The following RSPH10B2 variants were observed in gnomAD, a reference collection of about 807,000 sequenced individuals.
RSPH10B2 encodes radial spoke head 10 homolog B2, also known as radial spoke head 10 homolog B2 (Chlamydomonas).
A neutral mutation model predicts 49.0 loss-of-function variants in RSPH10B2; 9 were observed. The ratio of observed to expected loss-of-function variants is 0.18; its 90% confidence interval spans 0.11 to 0.32. RSPH10B2 has a LOEUF of 0.32. RSPH10B2 is among the 10% of genes least tolerant of loss of function. The pLI is 1.00. For missense variants in RSPH10B2, 95 were observed against 589.9 expected (o/e 0.16, Z 8.69); for synonymous variants, 35 against 210.2 (o/e 0.17, Z 7.21).
intron 4 of RSPH10B2, among the ~76,000 whole-genome samples, chr7:6,764,708 TTGTGTGTGTGTGTGTGTG>T (rs372144067): frequency 5.8e-4 from 86 of 147,604 alleles, no homozygotes; most frequent in African/African-American, 1.5e-3. Context: ...GTTGTTGTTG[TTGTGTGTGTGTGTGTGTG>T]TGTGTGTGTG....
chr7:6,793,087 T>A lies in RSPH10B2; in HGVS notation c.2233+1090T>A, dbSNP rs1325412542. Among the ~76,000 whole-genome samples, 15 of 102,946 alleles carry A rather than the reference T, an allele frequency of 1.5e-4. 2 individuals carry two copies. The East Asian group carries it at 5.7e-3, about 39-fold the overall frequency. The allele number at this position is 102,946 out of a possible 152,430, so 67.5% of individuals were successfully genotyped here. A position where few individuals can be genotyped will look rare whatever the true frequency, so the allele number is the denominator to read the frequency against. On this transcript the variant is annotated intron_variant, in intron 17 of 18. Coordinates refer to ENST00000297186, the Ensembl canonical transcript of RSPH10B2. ...CATTTTTTTTTTTTTTTTTTTTTTT[T>A]AAAGAGGTGGGTTCTTGCTCTGTTG...
In RSPH10B2 at chr7:6,769,655, C is replaced by A. The variant is rs551638658; in HGVS notation, c.957+889C>A. 5.2e-5 allele frequency among the ~76,000 whole-genome samples: 6 copies of A among 116,416 alleles called. 1 individual carries two copies. The South Asian group carries it at 1.4e-3, about 28-fold the overall frequency. 76.4% of individuals were successfully genotyped at this position (116,416 alleles called of 152,430 possible). A position where few individuals can be genotyped will look rare whatever the true frequency, so the allele number is the denominator to read the frequency against. ...CCAGGCTGGAGTGCAGTGGCATGATCTCAGCTCGCTGCAACCTCTGCCTCC... is the reference window on the plus strand; with the variant it reads ...CCAGGCTGGAGTGCAGTGGCATGATATCAGCTCGCTGCAACCTCTGCCTCC... On this transcript the variant is annotated intron_variant, in intron 7 of 18. Transcript: ENST00000297186.
chr7:6,785,182 TGTGTGTGTG>T (rs1782101936), intron 13 of RSPH10B2, among the ~76,000 whole-genome samples: 1 of 110,164 alleles, frequency 9.1e-6, no homozygotes, highest in Admixed American at 1.0e-4. Flanking sequence ...TGTGTGTGTG[TGTGTGTGTG>T]TTTGAGACAG....
intron 7 of RSPH10B2, among the ~76,000 whole-genome samples, chr7:6,769,512 G>T (rs1216679892): frequency 3.4e-5 from 2 of 58,522 alleles, no homozygotes; most frequent in Non-Finnish European, 6.7e-5. Context: ...TTGACAAAAG[G>T]CATGTCATTC....
chr7:6,758,411 C>T (rs1162375650), intron 1 of RSPH10B2, among the ~76,000 whole-genome samples: 4 of 147,666 alleles, frequency 2.7e-5, no homozygotes, highest in African/African-American at 1.0e-4. Flanking sequence ...ACCCAAATAG[C>T]AAACATACAG....
At chr7:6,756,202 G>A (rs1781080013), upstream of RSPH10B2, among the ~76,000 whole-genome samples, 2 of 141,196 alleles carry the variant, frequency 1.4e-5, no homozygotes, top group African/African-American at 2.8e-5. Flanking sequence ...CCCGGGAGGT[G>A]GAGCTTGCAG....
chr7:6,764,470 C>T (rs1489023207), intron 4 of RSPH10B2, among the ~76,000 whole-genome samples: 1 of 151,078 alleles, frequency 6.6e-6, no homozygotes, highest in Non-Finnish European at 1.5e-5. Context: ...AAGCAAATCT[C>T]CTGCCTCAGC....
intron 17 of RSPH10B2, chr7:6,793,991 T>C (rs1283441826): frequency 1.9e-5 from 3 of 153,870 alleles, no homozygotes; most frequent in African/African-American, 4.8e-5. Context: ...GCTGTGTACA[T>C]GCTCACCTTT....
rs1384157734 is a variant in RSPH10B2 at position 6,791,094 on chromosome 7, C to T, written c.2140-810C>T. ...TCCGCTCATTGCAAGCTCTGCCTCCCGGGTTCACGCCATTCTCCTGCCTCA... is the reference window on the plus strand; with the variant it reads ...TCCGCTCATTGCAAGCTCTGCCTCCTGGGTTCACGCCATTCTCCTGCCTCA... On this transcript the variant is annotated intron_variant, in intron 16 of 18. Transcript: ENST00000297186. 3.6e-5 allele frequency among the ~76,000 whole-genome samples: 5 copies of T among 138,796 alleles called. No individual in the cohort carries two copies. The East Asian group carries it at 6.9e-4, about 19-fold the overall frequency. 91.1% of individuals were successfully genotyped at this position (138,796 alleles called of 152,430 possible).
At chr7:6,794,318 A>C (rs1417424194) in intron 17 of RSPH10B2, 1 of 152,072 alleles carries the variant, frequency 6.6e-6, no homozygotes, top group African/African-American at 2.4e-5. Flanking sequence ...CACCGCCAGG[A>C]ATCCTGCTGT....
intron 13 of RSPH10B2, among the ~76,000 whole-genome samples, chr7:6,782,276 CG>C (rs2115456035): frequency 6.9e-6 from 1 of 145,304 alleles, no homozygotes; most frequent in Non-Finnish European, 1.5e-5. Flanking sequence ...CCGAGTACAG[CG>C]GGGCACCCCT....
chr7:6,781,299 T>C lies in RSPH10B2; in HGVS notation c.1610-29T>C. The C allele has an allele frequency of 1.5e-6, 2 of 1,294,612 alleles. 1 individual carries two copies. The highest frequency in any genetic ancestry group is 2.0e-6 in the Non-Finnish European group (2 of 985,518). The allele number at this position is 1,294,612 out of a possible 1,614,324, so 80.2% of individuals were successfully genotyped here. On this transcript the variant is annotated intron_variant, in intron 12 of 18. Coordinates refer to ENST00000297186, the Ensembl canonical transcript of RSPH10B2. ...TTTTTTTTCTCAAAACATAAATCTG[T>C]AATCATTTTTCGAACGTTGTATTTT...
upstream of RSPH10B2, among the ~76,000 whole-genome samples, chr7:6,756,081 A>G (rs373837729): frequency 5.3e-5 from 8 of 150,678 alleles, no homozygotes; most frequent in Non-Finnish European, 8.8e-5. Context: ...ATCCTGGCTA[A>G]CCCGGTGAAA....
chr7:6,758,959 A>G (rs1202891651), intron 1 of RSPH10B2, 125 bp from the exon 4 acceptor site: 3 of 488,202 alleles, frequency 6.1e-6, no homozygotes, highest in Non-Finnish European at 9.2e-6. Context: ...GTATATATAT[A>G]TATATATATA....
chr7:6,785,803 C>T (rs113923478), intron 13 of RSPH10B2, 146 bp from the exon 16 acceptor site: 96,778 of 662,082 alleles, frequency 0.15, 262 homozygotes, highest in Admixed American at 0.27. Context: ...GCAGCCTGGG[C>T]GACAGAGCGA....
chr7:6,781,424 C>T (rs751829280), exon 13 of RSPH10B2: 2 of 1,293,910 alleles, frequency 1.5e-6, no homozygotes, highest in African/African-American at 1.8e-5. Context: ...CCCAGTGCAG[C>T]GCCTCCCCAC....
chr7:6,782,878 T>C (rs558301597), intron 13 of RSPH10B2, among the ~76,000 whole-genome samples: 1 of 121,266 alleles, frequency 8.2e-6, no homozygotes, highest in African/African-American at 3.3e-5. Flanking sequence ...AGCAGAACTC[T>C]GTCTCAAAAA....
At chr7:6,779,625 C>T (rs1781855196) in exon 11 of RSPH10B2, 4 of 397,528 alleles carry the variant, frequency 1.0e-5, no homozygotes, top group Admixed American at 5.7e-5. Context: ...AATGACATAC[C>T]AGTTGAAGAA....
rs201442578 is a variant in RSPH10B2 at position 6,768,012 on chromosome 7, T to C, written c.781-578T>C. 4.3e-4 allele frequency among the ~76,000 whole-genome samples: 63 copies of C among 147,934 alleles called. No homozygotes were observed. The East Asian group carries it at 0.012, about 28-fold the overall frequency. On this transcript the variant is annotated intron_variant, in intron 6 of 18. Coordinates refer to ENST00000297186, the Ensembl canonical transcript of RSPH10B2. ...TTTGAGACCAGCCTGGGTGATATGG[T>C]GAAACCCCATCTCTACTAAAAATAT...
Sources: allele counts gnomAD v4.1 joint callset (sites outside exome capture counted in the v4.1 genomes callset), GRCh38; gene constraint gnomAD v4.1.1; transcripts MANE v1.5; gene names NCBI Gene and HGNC (gene_info 2026-07-23, HGNC 2026-07-21).